Variants in KCNN2 observed in about 807,000 individuals in gnomAD.
KCNN2 encodes the protein small conductance calcium-activated potassium channel protein 2.
KCNN2 carries 24 observed loss-of-function variants against 55.5 expected under a neutral mutation model. The ratio of observed to expected loss-of-function variants is 0.43; its 90% CI spans 0.31 to 0.61. The LOEUF (loss-of-function observed/expected upper bound fraction) is 0.61. Among genes scored for constraint, KCNN2 ranks in the 20% least tolerant of loss-of-function variants. The pLI, the probability that KCNN2 is intolerant of heterozygous loss-of-function variation, is 0.08. For missense variants in KCNN2, 754 were observed against 853.6 expected (o/e 0.88, Z 1.45); for synonymous variants, 431 against 336.1 (o/e 1.28, Z -3.09).
chr5:114,321,639 T>C (rs1756614848), intron 2 of KCNN2, among the ~76,000 whole-genome samples: 1 of 130,798 alleles, frequency 7.6e-6, no homozygotes, highest in South Asian at 2.8e-4. Flanking sequence ...AGGTATAATG[T>C]TCACTGGATT....
intron 6 of KCNN2, among the ~76,000 whole-genome samples, chr5:114,489,648 T>G (rs1229104926): frequency 6.6e-6 from 1 of 152,164 alleles, no homozygotes; most frequent in Non-Finnish European, 1.5e-5. Flanking sequence ...CTGAGTACGT[T>G]TATTCATGCA....
At chr5:114,487,493 T>A (rs746453288) in intron 6 of KCNN2, among the ~76,000 whole-genome samples, 56 of 152,208 alleles carry the variant, frequency 3.7e-4, no homozygotes, top group Non-Finnish European at 1.8e-4. Flanking sequence ...TAGGATTTTT[T>A]CAGCTTTATT....
intron 3 of KCNN2, among the ~76,000 whole-genome samples, chr5:114,413,868 C>G (rs556396006): frequency 1.8e-4 from 27 of 152,190 alleles, no homozygotes; most frequent in Non-Finnish European, 3.4e-4. Context: ...TTTGAAAATC[C>G]CTGTAATTAT....
intron 1 of KCNN2, among the ~76,000 whole-genome samples, chr5:114,165,052 T>G (rs1752880450): frequency 6.6e-6 from 1 of 152,206 alleles, no homozygotes; most frequent in African/African-American, 2.4e-5. Context: ...CAAGCAAGTG[T>G]TAAAGGTCGG....
intron 3 of KCNN2, among the ~76,000 whole-genome samples, chr5:114,412,684 G>C (rs1759173512): frequency 6.6e-6 from 1 of 152,120 alleles, no homozygotes; most frequent in African/African-American, 2.4e-5. Context: ...TGTATTTTCA[G>C]GAGAGTCACC....
intron 2 of KCNN2, among the ~76,000 whole-genome samples, chr5:114,293,309 T>A (rs1755936777): frequency 6.6e-6 from 1 of 152,158 alleles, no homozygotes; most frequent in Admixed American, 6.5e-5. Flanking sequence ...GCCCATTCAG[T>A]ATGATATTGG....
chr5:114,061,594 G>C (rs889512683), intron 1 of KCNN2, among the ~76,000 whole-genome samples: 1 of 152,036 alleles, frequency 6.6e-6, no homozygotes, highest in Admixed American at 6.6e-5. Context: ...TTGTGGGCAT[G>C]GGGTTTGATT....
intron 1 of KCNN2, among the ~76,000 whole-genome samples, chr5:114,151,573 A>G (rs1752524884): frequency 6.6e-6 from 1 of 152,218 alleles, no homozygotes; most frequent in South Asian, 2.1e-4. Context: ...GGTCAATTCA[A>G]TGACCTGTTT....
intron 2 of KCNN2, among the ~76,000 whole-genome samples, chr5:114,237,328 A>G (rs796388295): frequency 4.1e-5 from 6 of 147,428 alleles, no homozygotes; most frequent in African/African-American, 1.5e-4. Context: ...GAAAAAAAAA[A>G]TGCCCTGGTT....
At chr5:114,118,407 G>A (rs1447062245) in intron 1 of KCNN2, among the ~76,000 whole-genome samples, 3 of 152,152 alleles carry the variant, frequency 2.0e-5, no homozygotes, top group Non-Finnish European at 2.9e-5. Flanking sequence ...CAGTCTGCAA[G>A]TTGGAGACCC....
chr5:114,349,049 T>C (rs1342950196), intron 2 of KCNN2, among the ~76,000 whole-genome samples: 5 of 152,078 alleles, frequency 3.3e-5, no homozygotes, highest in Non-Finnish European at 5.9e-5. Context: ...GTACCTATTA[T>C]CACTTACTCT....
chr5:114,328,943 A>G (rs982108057), intron 2 of KCNN2, among the ~76,000 whole-genome samples: 10 of 152,012 alleles, frequency 6.6e-5, no homozygotes, highest in African/African-American at 2.4e-4. Context: ...GCTTTCTACA[A>G]TCCTTAATTA....
intron 1 of KCNN2, among the ~76,000 whole-genome samples, chr5:114,064,961 G>A (rs183504270): frequency 6.6e-6 from 1 of 152,114 alleles, no homozygotes; most frequent in African/African-American, 2.4e-5. Context: ...TAGTTTTTGT[G>A]GGGCTGTTCA....
chr5:114,236,290 T>C (rs1754490849), intron 2 of KCNN2, among the ~76,000 whole-genome samples: 1 of 152,176 alleles, frequency 6.6e-6, no homozygotes. Flanking sequence ...AAGTGTGTAG[T>C]TGGTGTACTT....
At chr5:114,098,597 C>G (rs1183369673) in intron 1 of KCNN2, among the ~76,000 whole-genome samples, 1 of 151,876 alleles carries the variant, frequency 6.6e-6, no homozygotes, top group Admixed American at 6.6e-5. Context: ...CCCCACTCCC[C>G]CCTGCACAAT....
chr5:114,112,246 C>A (rs1458452513), intron 1 of KCNN2, among the ~76,000 whole-genome samples: 3 of 152,062 alleles, frequency 2.0e-5, no homozygotes, highest in Non-Finnish European at 2.9e-5. Context: ...CCAAACACTG[C>A]ATGTTCTCAC....
At chr5:114,084,264 T>C (rs1200209889) in intron 1 of KCNN2, among the ~76,000 whole-genome samples, 1 of 152,096 alleles carries the variant, frequency 6.6e-6, no homozygotes, top group African/African-American at 2.4e-5. Flanking sequence ...CAAACTGTCT[T>C]CCAAGGTGGC....
chr5:114,421,852 C>T (rs1759480327), intron 3 of KCNN2, among the ~76,000 whole-genome samples: 1 of 152,176 alleles, frequency 6.6e-6, no homozygotes, highest in Non-Finnish European at 1.5e-5. Context: ...TCAGGTTATC[C>T]ACCCGCCTCG....
At chr5:114,077,996 T>A (rs762235465) in intron 1 of KCNN2, among the ~76,000 whole-genome samples, 17 of 152,222 alleles carry the variant, frequency 1.1e-4, no homozygotes, top group Non-Finnish European at 2.2e-4. Flanking sequence ...AGTCTTTGAT[T>A]ATGTTATTGG....
Sources: gnomAD v4.1 joint callset for allele counts (sites outside exome capture counted in the v4.1 genomes callset) on GRCh38, gnomAD v4.1.1 for gene constraint, MANE v1.5 for transcripts, NCBI Gene and HGNC (gene_info 2026-07-23, HGNC 2026-07-21) for gene names.